Variants in PCYT1B observed in about 807,000 individuals in gnomAD.
The protein encoded by PCYT1B is choline-phosphate cytidylyltransferase B.
PCYT1B carries 10 observed loss-of-function variants against 26.4 expected under a neutral mutation model. The ratio of observed to expected loss-of-function variants is 0.38; its 90% confidence interval spans 0.23 to 0.64. PCYT1B has a LOEUF of 0.64. PCYT1B is among the 30% of genes least tolerant of loss of function. The pLI is 0.56. For missense variants in PCYT1B, 161 were observed against 292.7 expected (o/e 0.55, Z 3.28); for synonymous variants, 131 against 108.4 (o/e 1.21, Z -1.29).
chrX:24,626,749 T>C (rs772600881), intron 1 of PCYT1B, among the ~76,000 whole-genome samples: 1 of 112,037 alleles, frequency 8.9e-6, no homozygotes, highest in African/African-American at 3.2e-5. Flanking sequence ...CTTTAAAAAA[T>C]TTTTAAATTA....
At chrX:24,619,770 G>A (rs766659381) in intron 1 of PCYT1B, among the ~76,000 whole-genome samples, 37 of 112,719 alleles carry the variant, frequency 3.3e-4, no homozygotes, top group African/African-American at 9.6e-4. Flanking sequence ...CTTCAACAGC[G>A]ACTAGCGGCT....
chrX:24,595,173 G>A (rs1166992571), intron 3 of PCYT1B, among the ~76,000 whole-genome samples: 1 of 109,275 alleles, frequency 9.2e-6, no homozygotes, highest in Non-Finnish European at 1.9e-5. Context: ...TGTAGGTGCT[G>A]TGAGCTCAAG....
chrX:24,597,725 T>C (rs773561708), intron 3 of PCYT1B, among the ~76,000 whole-genome samples: 2 of 112,483 alleles, frequency 1.8e-5, no homozygotes, highest in South Asian at 7.3e-4. Context: ...CACATTTCTG[T>C]TACAGGTGAA....
At chrX:24,636,634 C>A (rs1358086954) in intron 1 of PCYT1B, among the ~76,000 whole-genome samples, 1 of 112,052 alleles carries the variant, frequency 8.9e-6, no homozygotes, top group Non-Finnish European at 1.9e-5. Flanking sequence ...GTACACATAT[C>A]CTAAGTGCAG....
Position 24,647,225 on chromosome X carries a change from C to T in PCYT1B, c.-120G>A. The T allele has an allele frequency of 1.0e-6, 1 of 957,585 alleles. No individual in the cohort carries two copies. The highest frequency in any genetic ancestry group is 1.4e-6 in the Non-Finnish European group (1 of 728,324). 78.9% of individuals were successfully genotyped at this position (957,585 alleles called of 1,213,427 possible). On this transcript the variant is annotated 5_prime_UTR_variant, in exon 1 of 8. Transcript: ENST00000379144. ...CTCCACCCATCCCCCCGCTTCTTCTCCCCTTCTTTCTGTCTTCCCTAGGGG... is the reference window on the plus strand; with the variant it reads ...CTCCACCCATCCCCCCGCTTCTTCTTCCCTTCTTTCTGTCTTCCCTAGGGG...
At chrX:24,612,693 G>A (rs184892897) in intron 2 of PCYT1B, among the ~76,000 whole-genome samples, 2,346 of 112,157 alleles carry the variant, frequency 0.021, 23 homozygotes, top group Non-Finnish European at 0.035. Flanking sequence ...CTGCAGATAG[G>A]AATTTAAAGT....
At chrX:24,616,230 T>A (rs1290969961) in intron 2 of PCYT1B, among the ~76,000 whole-genome samples, 8 of 49,590 alleles carry the variant, frequency 1.6e-4, no homozygotes, top group Non-Finnish European at 3.0e-4. Context: ...CACCTGGACT[T>A]TTTTTTTTTT....
chrX:24,627,049 T>G (rs1925905643), intron 1 of PCYT1B, among the ~76,000 whole-genome samples: 1 of 111,509 alleles, frequency 9.0e-6, no homozygotes, highest in Non-Finnish European at 1.9e-5. Flanking sequence ...GTCAGAGAAG[T>G]TGATGTATGT....
chrX:24,613,727 T>C (rs746273354), intron 2 of PCYT1B, among the ~76,000 whole-genome samples: 3 of 109,896 alleles, frequency 2.7e-5, no homozygotes, highest in South Asian at 3.9e-4. Context: ...CTAAGGTGGA[T>C]AGATGGCTCG....
intron 7 of PCYT1B, among the ~76,000 whole-genome samples, chrX:24,564,832 T>A (rs1000779413): frequency 4.5e-5 from 5 of 111,020 alleles, no homozygotes; most frequent in Admixed American, 9.6e-5. Context: ...GTCATCAAAA[T>A]AGAATCCTAC....
chrX:24,609,541 A>G (rs1413701148), intron 2 of PCYT1B, among the ~76,000 whole-genome samples: 1 of 112,568 alleles, frequency 8.9e-6, no homozygotes, highest in African/African-American at 3.2e-5. Context: ...TTCTCCCAGA[A>G]ACACCACAAC....
Position 24,562,123 on chromosome X carries a change from C to A in PCYT1B, c.*170G>T, listed in dbSNP as rs758919272. 8.3e-7 allele frequency: 1 copy of A among 1,210,254 alleles called. No homozygotes were observed. Among genetic ancestry groups the A allele is most frequent in the Non-Finnish European group, 1.1e-6 (1 of 894,498 alleles). ...CACCTCGCCCAACTCTTCAGCTGTA[C>A]GGAGAGTGAGAGAGAACTGGTCCCA... On this transcript the variant is annotated 3_prime_UTR_variant, in exon 8 of 8. Transcript: ENST00000379144.
intron 1 of PCYT1B, among the ~76,000 whole-genome samples, chrX:24,630,348 T>C (rs772459948): frequency 1.8e-5 from 2 of 111,721 alleles, no homozygotes; most frequent in Admixed American, 9.5e-5. Flanking sequence ...CAGGCTGGAG[T>C]GCAGTGGCGC....
intron 5 of PCYT1B, among the ~76,000 whole-genome samples, chrX:24,584,133 G>C (rs1404238008): frequency 9.0e-6 from 1 of 110,986 alleles, no homozygotes; most frequent in Non-Finnish European, 1.9e-5. Context: ...CCAGGAGTTT[G>C]AGACCAGTCT....
upstream of PCYT1B, among the ~76,000 whole-genome samples, chrX:24,652,306 C>T (rs182343613): frequency 3.4e-3 from 387 of 112,563 alleles, no homozygotes; most frequent in Non-Finnish European, 5.9e-3. Flanking sequence ...CGCCTATAAT[C>T]CCAATATTTT....
intron 1 of PCYT1B, among the ~76,000 whole-genome samples, chrX:24,664,403 T>C (rs1235529244): frequency 8.9e-6 from 1 of 112,251 alleles, no homozygotes; most frequent in Non-Finnish European, 1.9e-5. Flanking sequence ...TATTCATTTC[T>C]TTATGAGAAA....
intron 7 of PCYT1B, among the ~76,000 whole-genome samples, chrX:24,564,406 G>A (rs1287937871): frequency 4.7e-5 from 5 of 106,825 alleles, no homozygotes; most frequent in Non-Finnish European, 7.7e-5. Context: ...TTGCTGGAGT[G>A]CAGTGGCGCG....
rs373723567 is a variant in PCYT1B, at chrX:24,589,684, C to T, written c.486+339G>A. ...GATTACCTCTTAGATCTTCAAAACACGTCCACAAGGAAGATACCAACATCA... is the reference window on the plus strand; with the variant it reads ...GATTACCTCTTAGATCTTCAAAACATGTCCACAAGGAAGATACCAACATCA... On this transcript the variant is annotated intron_variant, in intron 4 of 7. Transcript: ENST00000379144. 1.5e-4 allele frequency among the ~76,000 whole-genome samples: 17 copies of T among 111,733 alleles called. No homozygotes were observed. In the East Asian group the frequency reaches 2.8e-3, roughly 18 times the overall value.
intron 3 of PCYT1B, among the ~76,000 whole-genome samples, chrX:24,596,453 G>A (rs998924570): frequency 3.6e-5 from 4 of 109,994 alleles, no homozygotes; most frequent in African/African-American, 1.3e-4. Flanking sequence ...TTAACCAGGT[G>A]TGGTGGTGCA....
Sources: allele counts gnomAD v4.1 joint callset (sites outside exome capture counted in the v4.1 genomes callset), GRCh38; gene constraint gnomAD v4.1.1; transcripts MANE v1.5; gene names NCBI Gene and HGNC (gene_info 2026-07-23, HGNC 2026-07-21).